The following RIT2 variants were observed in gnomAD, a reference collection of about 807,000 sequenced individuals.
The protein encoded by RIT2 is GTP-binding protein Rit2.
A neutral mutation model predicts 23.7 loss-of-function variants in RIT2; 24 were observed. The ratio of observed to expected loss-of-function variants is 1.01; its 90% CI spans 0.73 to 1.43. The LOEUF is 1.43. Among genes scored for constraint, RIT2 ranks in the 40% most tolerant of loss-of-function variants. The probability of loss-of-function intolerance (pLI) is 0.00; values close to 1 mark genes in which losing one functional copy is unlikely to be tolerated. For synonymous variants in RIT2, 107 were observed against 91.1 expected, an observed-to-expected ratio of 1.17 and a Z score of -0.99; for missense variants, 236 against 266.9, an observed-to-expected ratio of 0.88 and a Z score of 0.81.
At chr18:42,923,910 T>TCC in intron 3 of RIT2, 147 bp from the exon 4 acceptor site, 1 of 654,932 alleles carries the variant, frequency 1.5e-6, no homozygotes, top group Non-Finnish European at 2.4e-6. Flanking sequence ...TTATGAGATC[T>TCC]TAGAAAAACA....
intron 4 of RIT2, among the ~76,000 whole-genome samples, chr18:42,901,074 T>C (rs534605791): frequency 2.6e-5 from 4 of 152,206 alleles, no homozygotes; most frequent in South Asian, 2.1e-4. Context: ...TGGCATCAAA[T>C]TGAATTAGTA....
At chr18:43,086,912 G>A (rs1285651756) in intron 1 of RIT2, among the ~76,000 whole-genome samples, 2 of 152,128 alleles carry the variant, frequency 1.3e-5, no homozygotes, top group Non-Finnish European at 2.9e-5. Flanking sequence ...ACTATGTCAC[G>A]TTCATCTTTG....
In RIT2 at chr18:42,856,561, A is replaced by G. The variant is rs184716026; in HGVS notation, c.426+67011T>C. On this transcript the variant is annotated intron_variant, in intron 4 of 4. Transcript: ENST00000326695. ...GGGAGTGATTTTTCAGCAAAACTTC[A>G]GAAGGCCAAGGGGAACTATGACCCC... is the stretch of plus-strand genomic sequence containing the variant. Among the ~76,000 whole-genome samples the G allele has an allele frequency of 3.0e-3, 452 of 152,306 alleles. 5 individuals are homozygous for G. The highest frequency in any genetic ancestry group is 1.0e-2 in the African/African-American group (414 of 41,568).
chr18:42,822,361 C>A (rs539184114), intron 4 of RIT2, among the ~76,000 whole-genome samples: 24 of 152,130 alleles, frequency 1.6e-4, no homozygotes, highest in African/African-American at 5.5e-4. Context: ...AAAATTTAGA[C>A]CCTGAAGTTA....
At chr18:43,085,176 CAAAA>C (rs1913253329) in intron 1 of RIT2, among the ~76,000 whole-genome samples, 1 of 151,114 alleles carries the variant, frequency 6.6e-6, no homozygotes, top group East Asian at 1.9e-4. Context: ...AAAAAAGAAA[CAAAA>C]AGAAAAATAA....
In RIT2 at chr18:42,743,657, C is replaced by A; in HGVS notation, c.490G>T (p.Ala164Ser). ...TCATCAATACAGAATCTGAGGGCTG[C>A]AGAGGTCTCAAAAAAACCACAATTA... ...EYNCGFFETS[A>S]ALRFCIDDAF... Residue 164 changes from alanine to serine, a missense_variant, in exon 5 of 5, where the codon GCA (alanine) becomes TCA (serine). Coordinates refer to ENST00000326695, the MANE Select transcript of RIT2 (RefSeq NM_002930.4). The A allele has an allele frequency of 6.2e-7, 1 of 1,614,046 alleles. No homozygotes were observed. Among genetic ancestry groups the A allele is most frequent in the African/African-American group, 1.3e-5 (1 of 75,024 alleles).
At chr18:42,935,320 C>G (rs1243483453) in intron 3 of RIT2, among the ~76,000 whole-genome samples, 1 of 152,238 alleles carries the variant, frequency 6.6e-6, no homozygotes, top group South Asian at 2.1e-4. Flanking sequence ...GTTGAATGAA[C>G]GAACAAGGAC....
At chr18:42,886,446 T>A (rs1371727828) in intron 4 of RIT2, among the ~76,000 whole-genome samples, 2 of 152,206 alleles carry the variant, frequency 1.3e-5, no homozygotes, top group East Asian at 3.9e-4. Context: ...TATGAACTAA[T>A]AACTCAACTG....
intron 3 of RIT2, among the ~76,000 whole-genome samples, chr18:42,946,760 A>G (rs180832070): frequency 6.6e-6 from 1 of 152,156 alleles, no homozygotes; most frequent in Non-Finnish European, 1.5e-5. Flanking sequence ...TTTAAGGTAA[A>G]GTACTCTGCT....
chr18:42,758,043 C>T, intron 4 of RIT2, among the ~76,000 whole-genome samples: 1 of 151,284 alleles, frequency 6.6e-6, no homozygotes. Flanking sequence ...ATTAGTTGTC[C>T]CACCTTTTTC....
At chr18:42,956,238 A>G (rs1009879058) in intron 3 of RIT2, among the ~76,000 whole-genome samples, 10 of 152,128 alleles carry the variant, frequency 6.6e-5, no homozygotes, top group Non-Finnish European at 1.2e-4. Context: ...CACACTCCAC[A>G]TCTCTGCTAG....
intron 1 of RIT2, among the ~76,000 whole-genome samples, chr18:43,067,088 A>T (rs1202955396): frequency 6.6e-6 from 1 of 152,014 alleles, no homozygotes; most frequent in Non-Finnish European, 1.5e-5. Context: ...GTGTAATATT[A>T]TTCAAAGTAA....
intron 4 of RIT2, among the ~76,000 whole-genome samples, chr18:42,863,134 A>T (rs1475469874): frequency 1.3e-5 from 2 of 152,030 alleles, no homozygotes; most frequent in East Asian, 3.9e-4. Context: ...GAAACTGTAG[A>T]CTAATGTTTA....
intron 4 of RIT2, among the ~76,000 whole-genome samples, chr18:42,782,362 T>A (rs947891938): frequency 1.3e-5 from 2 of 152,130 alleles, no homozygotes; most frequent in Admixed American, 6.6e-5. Context: ...TTACACCATA[T>A]AACAGGCAGC....
At chr18:42,825,882 T>C (rs1373850270) in intron 4 of RIT2, among the ~76,000 whole-genome samples, 1 of 151,998 alleles carries the variant, frequency 6.6e-6, no homozygotes, top group Admixed American at 6.6e-5. Flanking sequence ...ATTTTACAAC[T>C]CTGTAAGTTG....
At chr18:42,982,096 T>C (rs1461399552) in intron 2 of RIT2, among the ~76,000 whole-genome samples, 3 of 152,138 alleles carry the variant, frequency 2.0e-5, no homozygotes, top group Non-Finnish European at 4.4e-5. Context: ...CAAAAAGGAC[T>C]TCTCTTCATT....
intron 4 of RIT2, among the ~76,000 whole-genome samples, chr18:42,800,215 C>T (rs1905487882): frequency 6.6e-6 from 1 of 152,146 alleles, no homozygotes; most frequent in Non-Finnish European, 1.5e-5. Flanking sequence ...TCTTATGTTG[C>T]TTCTTTGGAA....
intron 1 of RIT2, among the ~76,000 whole-genome samples, chr18:43,091,982 G>A (rs1913433162): frequency 6.6e-6 from 1 of 152,066 alleles, no homozygotes; most frequent in Admixed American, 6.6e-5. Flanking sequence ...TATATGCTAA[G>A]TCATTTATCA....
At chr18:43,070,730 A>G (rs1912878969) in intron 1 of RIT2, among the ~76,000 whole-genome samples, 1 of 152,222 alleles carries the variant, frequency 6.6e-6, no homozygotes, top group African/African-American at 2.4e-5. Flanking sequence ...CAATGAATAT[A>G]TTCAGCTGAA....
Sources: gnomAD v4.1 joint callset for allele counts (sites outside exome capture counted in the v4.1 genomes callset) on GRCh38, gnomAD v4.1.1 for gene constraint, MANE v1.5 for transcripts, NCBI Gene and HGNC (gene_info 2026-07-23, HGNC 2026-07-21) for gene names.